PCDHA11: variants seen among roughly 807,000 people sequenced by gnomAD.
PCDHA11 encodes the protein protocadherin alpha-11.
PCDHA11 carries 61 observed loss-of-function variants against 70.3 expected under a neutral mutation model. That is an observed-to-expected ratio of 0.87 (90% CI 0.71 to 1.07). The LOEUF is 1.07. Among genes scored for constraint, PCDHA11 ranks in the 50% least tolerant of loss-of-function variants. The pLI is 0.00. For synonymous variants in PCDHA11, 633 were observed against 555.1 expected (o/e 1.14, Z -1.97); for missense variants, 1,324 against 1,237.5 (o/e 1.07, Z -1.05).
chr5:140,979,615 A>G (rs965487699), intron 2 of PCDHA11, among the ~76,000 whole-genome samples: 1 of 152,258 alleles, frequency 6.6e-6, no homozygotes, highest in Non-Finnish European at 1.5e-5. Context: ...GAGTAACGGT[A>G]TTAGTCTAAG....
At chr5:140,997,572 G>T (rs1457109655) in intron 3 of PCDHA11, among the ~76,000 whole-genome samples, 1 of 152,068 alleles carries the variant, frequency 6.6e-6, no homozygotes, top group Non-Finnish European at 1.5e-5. Context: ...CATATGTGTG[G>T]TCCGTTGTTG....
At chr5:140,957,043 A>C (rs2095328677) in intron 1 of PCDHA11, among the ~76,000 whole-genome samples, 3 of 152,196 alleles carry the variant, frequency 2.0e-5, no homozygotes, top group Admixed American at 2.0e-4. Flanking sequence ...GGAGTCATAT[A>C]AAATAAATTA....
chr5:140,899,102 G>A (rs1156372420), intron 1 of PCDHA11, among the ~76,000 whole-genome samples: 1 of 152,066 alleles, frequency 6.6e-6, no homozygotes, highest in Non-Finnish European at 1.5e-5. Flanking sequence ...TGAGATAATG[G>A]GGTTTTCTAG....
At chr5:140,875,684 A>T (rs1236163720) in intron 1 of PCDHA11, 1 of 1,613,854 alleles carries the variant, frequency 6.2e-7, no homozygotes, top group Non-Finnish European at 8.5e-7. Flanking sequence ...TCCAAAAGAC[A>T]CGGGGACCTT....
chr5:140,955,832 G>A (rs2095230258), intron 1 of PCDHA11, among the ~76,000 whole-genome samples: 1 of 152,132 alleles, frequency 6.6e-6, no homozygotes, highest in South Asian at 2.1e-4. Flanking sequence ...TTGAGCAGTG[G>A]TTTGTCATTC....
chr5:140,957,594 A>C (rs2095369947), intron 1 of PCDHA11, among the ~76,000 whole-genome samples: 1 of 152,154 alleles, frequency 6.6e-6, no homozygotes, highest in Non-Finnish European at 1.5e-5. Context: ...AGCACTTCCC[A>C]GAATAAACAC....
chr5:140,916,492 C>T (rs1310558218), intron 1 of PCDHA11, among the ~76,000 whole-genome samples: 2 of 152,170 alleles, frequency 1.3e-5, no homozygotes, highest in Admixed American at 6.5e-5. Context: ...GCTCTTTAGT[C>T]AGCAGGTGAT....
chr5:140,949,656 GT>G (rs782242887), intron 1 of PCDHA11, among the ~76,000 whole-genome samples: 5 of 151,274 alleles, frequency 3.3e-5, no homozygotes, highest in Non-Finnish European at 7.4e-5. Context: ...TTTTACTTTT[GT>G]TTCTTTAAAG....
At position 140,929,318 on chromosome 5, in the gene PCDHA11, A is replaced by G. The variant is rs78197291; in HGVS notation, c.2392-49631A>G. The G allele has an allele frequency of 3.9e-4, 606 of 1,545,240 alleles. 3 individuals carry two copies. The African/African-American group carries it at 7.7e-3, about 20-fold the overall frequency. ...AGGAAAGGGGATCACGCTAATGTCA[A>G]TGCCATGGTAAGCAAATTTTATGGA... On this transcript the variant is annotated intron_variant, in intron 1 of 3. Coordinates refer to ENST00000398640, the MANE Select transcript of PCDHA11 (RefSeq NM_018902.5).
intron 3 of PCDHA11, among the ~76,000 whole-genome samples, chr5:140,999,739 T>C (rs2097873545): frequency 6.6e-6 from 1 of 152,196 alleles, no homozygotes; most frequent in Admixed American, 6.5e-5. Flanking sequence ...AATGTTTGAA[T>C]CTGGGTTCGC....
intron 1 of PCDHA11, among the ~76,000 whole-genome samples, chr5:140,939,509 C>T (rs1013863525): frequency 9.3e-5 from 14 of 150,592 alleles, no homozygotes; most frequent in Non-Finnish European, 1.8e-4. Flanking sequence ...ATGTCTATAA[C>T]ATTAATAGTT....
chr5:140,966,845 C>T, intron 1 of PCDHA11: 2 of 1,570,442 alleles, frequency 1.3e-6, no homozygotes, highest in South Asian at 2.3e-5. Context: ...GCTGCTACTG[C>T]CTCTCCTGCT....
At chr5:140,941,042 T>C (rs532611705) in intron 1 of PCDHA11, among the ~76,000 whole-genome samples, 11 of 152,310 alleles carry the variant, frequency 7.2e-5, no homozygotes, top group African/African-American at 2.2e-4. Context: ...TGGTGCCAAG[T>C]CAAATTCCCC....
chr5:140,927,813 G>A, intron 1 of PCDHA11: 1 of 1,614,176 alleles, frequency 6.2e-7, no homozygotes, highest in Non-Finnish European at 8.5e-7. Context: ...CGCTCTTGGA[G>A]GCATACATTG....
chr5:140,869,340 G>A lies in PCDHA11; in HGVS notation c.237G>A (p.Leu79=), dbSNP rs1554162920. ...ATGGGGACCTTCTGGAGGTAAATCT[G>A]CAGAATGGCATTTTGTTTGTGAATT... ...KTHGDLLEVN[L]QNGILFVNSR... Residue 79 remains leucine, a synonymous_variant, in exon 1 of 4, where the codon CTG becomes CTA. Transcript: ENST00000398640. The A allele has an allele frequency of 2.5e-6, 4 of 1,614,018 alleles. No homozygotes were observed. Among genetic ancestry groups the A allele is most frequent in the Non-Finnish European group, 3.4e-6 (4 of 1,180,030 alleles).
At chr5:140,891,330 T>G (rs995602420) in intron 1 of PCDHA11, among the ~76,000 whole-genome samples, 14 of 152,108 alleles carry the variant, frequency 9.2e-5, no homozygotes, top group Non-Finnish European at 1.9e-4. Flanking sequence ...TGGTGGTGAT[T>G]TGTGAGATTT....
intron 1 of PCDHA11, among the ~76,000 whole-genome samples, chr5:140,906,526 CAATT>C (rs1554192570): frequency 6.6e-6 from 1 of 152,190 alleles, no homozygotes; most frequent in Non-Finnish European, 1.5e-5. Context: ...ATACTCACGA[CAATT>C]AAAATCCTCA....
chr5:140,957,630 C>A (rs2095372065), intron 1 of PCDHA11, among the ~76,000 whole-genome samples: 1 of 152,000 alleles, frequency 6.6e-6, no homozygotes, highest in Non-Finnish European at 1.5e-5. Context: ...CACACACTTT[C>A]AGAAATGCAC....
intron 3 of PCDHA11, among the ~76,000 whole-genome samples, chr5:140,998,480 G>A (rs782244125): frequency 6.6e-6 from 1 of 151,974 alleles, no homozygotes; most frequent in Non-Finnish European, 1.5e-5. Context: ...CCACTGTGCT[G>A]TAACTCTTTG....
Sources: gnomAD v4.1 joint callset for allele counts (sites outside exome capture counted in the v4.1 genomes callset) on GRCh38, gnomAD v4.1.1 for gene constraint, MANE v1.5 for transcripts, NCBI Gene and HGNC (gene_info 2026-07-23, HGNC 2026-07-21) for gene names.